IGLL1: variants seen among roughly 807,000 people sequenced by gnomAD.
The protein encoded by IGLL1 is immunoglobulin lambda-like polypeptide 1.
In IGLL1, 10 loss-of-function variants were observed where a neutral mutation model predicts 10.5. The observed-to-expected ratio is 0.95, with a 90% confidence interval of 0.59 to 1.62. The LOEUF (loss-of-function observed/expected upper bound fraction) is 1.62, where lower values mean the gene tolerates loss of function less well. Ranked by LOEUF, IGLL1 falls within the 40% of genes most tolerant of loss-of-function variation. The probability of loss-of-function intolerance (pLI) is 0.00; values close to 1 mark genes in which losing one functional copy is unlikely to be tolerated. For synonymous variants in IGLL1, 141 were observed against 122.7 expected (o/e 1.15, Z -0.99); for missense variants, 284 against 278.7 (o/e 1.02, Z -0.14).
At chr22:23,575,139 G>T in intron 1 of IGLL1, 57 bp from the exon 2 acceptor site, 1 of 1,246,316 alleles carries the variant, frequency 8.0e-7, no homozygotes, top group Non-Finnish European at 1.2e-6. Flanking sequence ...CAGGCACAGG[G>T]TAGGGGGGTG....
chr22:23,575,001 A>C lies in IGLL1; in HGVS notation c.288T>G (p.His96Gln), dbSNP rs766149395. Residue 96 changes from histidine to glutamine, a missense_variant, in exon 2 of 3, where the codon CAT (histidine) becomes CAG (glutamine). Physicochemically the swap from His to Gln is conservative, Grantham distance 24. Transcript: ENST00000330377. ...TGAGCTGGGTCCCGCTGCCAAACAC[A>C]TGCGTCACTGAGTTATGCTTGGATT... is the stretch of plus-strand genomic sequence containing the variant. Reference protein sequence around the residue: ...GFQSKHNSVTHVFGSGTQLTV... With the variant: ...GFQSKHNSVTQVFGSGTQLTV... 2.2e-5 allele frequency: 35 copies of C among 1,613,874 alleles called. No homozygotes were observed. Among genetic ancestry groups the C allele is most frequent in the Non-Finnish European group, 2.8e-5 (33 of 1,179,906 alleles).
At chr22:23,576,285 C>CTT (rs770974273) in intron 1 of IGLL1, among the ~76,000 whole-genome samples, 2 of 126,006 alleles carry the variant, frequency 1.6e-5, no homozygotes, top group Non-Finnish European at 3.2e-5. Context: ...TCTAGACATT[C>CTT]TTTTTTTTTT....
intron 1 of IGLL1, among the ~76,000 whole-genome samples, chr22:23,575,867 C>T (rs1341772446): frequency 6.6e-6 from 1 of 152,166 alleles, no homozygotes; most frequent in Non-Finnish European, 1.5e-5. Context: ...ACTCTTTTCC[C>T]CTTGGGGTCT....
rs772023435 is a variant in IGLL1 at position 23,573,364 on chromosome 22, T to C, written c.544A>G (p.Thr182Ala). The C allele has an allele frequency of 6.2e-7, 1 of 1,614,048 alleles. No homozygotes were observed. Among genetic ancestry groups the C allele is most frequent in the South Asian group, 1.1e-5 (1 of 91,076 alleles). Residue 182 changes from threonine to alanine, a missense_variant, in exon 3 of 3, where the codon ACG becomes GCG. By Grantham distance (58) the Thr-to-Ala change is moderately conservative. Coordinates refer to ENST00000330377, the MANE Select transcript of IGLL1 (RefSeq NM_020070.4). ...KYAASSYLSLTPEQWRSRRSY... is the reference protein window; with the variant it reads ...KYAASSYLSLAPEQWRSRRSY... ...CTGCGGGACCTCCACTGCTCGGGCG[T>C]CAGGCTCAGGTAGCTGCTGGCCGCG...
Position 23,580,069 on chromosome 22 carries a change from G to A in IGLL1, c.122C>T (p.Pro41Leu). ...GGCCCTGCTCTGCGATGCAGCTGTT[G>A]GGCGCAGCAGGCCATGGGTTACCAC... ...LAVVTHGLLR[P>L]TAASQSRALG... is the part of the protein sequence containing the mutation. Residue 41 changes from proline to leucine, a missense_variant, in exon 1 of 3, where the codon CCA (proline) becomes CTA (leucine). Physicochemically the swap from Pro to Leu is moderately conservative, Grantham distance 98. Transcript: ENST00000330377. 1 of 1,572,766 alleles carries A rather than the reference G, an allele frequency of 6.4e-7. No homozygotes were observed. The highest frequency in any genetic ancestry group is 8.6e-7 in the Non-Finnish European group (1 of 1,161,686).
At chr22:23,574,218 G>T (rs144762926) in intron 2 of IGLL1, among the ~76,000 whole-genome samples, 12,584 of 146,872 alleles carry the variant, frequency 0.086, 851 homozygotes, top group African/African-American at 0.18. Flanking sequence ...ACTTCACCTG[G>T]CAGCCATGGA....
Position 23,580,215 on chromosome 22 carries a change from G to C in IGLL1, c.-25C>G. On this transcript the variant is annotated 5_prime_UTR_variant, in exon 1 of 3. Transcript: ENST00000330377. ...TCGGCCCTCAGGGTCAGAGGTCCTT[G>C]TGGCCTGACTTGCAGTGTGGGCTCC... 1 of 1,535,984 alleles carries C rather than the reference G, an allele frequency of 6.5e-7. No individual in the cohort carries two copies. Among genetic ancestry groups the C allele is most frequent in the Non-Finnish European group, 8.7e-7 (1 of 1,146,676 alleles).
chr22:23,580,140 G>T lies in IGLL1; in HGVS notation c.51C>A (p.Gly17=), dbSNP rs1012394014. Residue 17 remains glycine, a synonymous_variant, in exon 1 of 3, where the codon GGC becomes GGA. Coordinates refer to ENST00000330377, the MANE Select transcript of IGLL1 (RefSeq NM_020070.4). ...QGGLEAPGEP[G]PNLRQRWPLL... ...GGGGCCAGCGCTGCCTGAGGTTGGGGCCTGGCTCACCAGGGGCCTCAAGGC... is the reference window on the plus strand; with the variant it reads ...GGGGCCAGCGCTGCCTGAGGTTGGGTCCTGGCTCACCAGGGGCCTCAAGGC... 5 of 1,557,588 alleles carry T rather than the reference G, an allele frequency of 3.2e-6. No homozygotes were observed. In the South Asian group the frequency reaches 3.5e-5, roughly 11 times the overall value.
chr22:23,578,895 G>A (rs138414433), intron 1 of IGLL1, among the ~76,000 whole-genome samples: 23 of 152,288 alleles, frequency 1.5e-4, no homozygotes, highest in African/African-American at 5.3e-4. Flanking sequence ...GGGAGACGGA[G>A]GTTTCAATGA....
intron 1 of IGLL1, among the ~76,000 whole-genome samples, chr22:23,578,590 G>A (rs1216930651): frequency 1.3e-5 from 2 of 152,164 alleles, no homozygotes; most frequent in Non-Finnish European, 2.9e-5. Flanking sequence ...TCTCACCACA[G>A]CCACCCCAGC....
chr22:23,573,492 T>G lies in IGLL1; in HGVS notation c.416A>C (p.Asp139Ala), dbSNP rs1435818095. 6.2e-7 allele frequency: 1 copy of G among 1,613,752 alleles called. No homozygotes were observed. The highest frequency in any genetic ancestry group is 1.7e-5 in the Admixed American group (1 of 59,986). ...CACCGTCAAGATTCCCGGATAAAAG[T>G]CATTCATGAGACACACCAGTGTAGC... ...NKATLVCLMN[D>A]FYPGILTVTW... Residue 139 changes from aspartate (D) to alanine (A), a missense_variant, in exon 3 of 3, where the codon GAC (aspartate) becomes GCC (alanine). By Grantham distance (126) the Asp-to-Ala change is moderately radical (BLOSUM62 -2). Coordinates refer to ENST00000330377, the MANE Select transcript of IGLL1 (RefSeq NM_020070.4).
chr22:23,575,631 TATCATCTGTCCATTCGTCCATCC>T (rs1438356849), intron 1 of IGLL1, among the ~76,000 whole-genome samples: 5 of 152,206 alleles, frequency 3.3e-5, no homozygotes, highest in Admixed American at 6.5e-5. Context: ...TGCATCCATC[TATCATCTGTCCATTCGTCCATCC>T]ATCTACCTGT....
chr22:23,580,264 T>C lies in IGLL1; in HGVS notation c.-74A>G, dbSNP rs1282723522. The C allele has an allele frequency of 1.2e-5, 18 of 1,529,912 alleles. No homozygotes were observed. Among genetic ancestry groups the C allele is most frequent in the Non-Finnish European group, 1.6e-5 (18 of 1,143,630 alleles). 94.8% of individuals were successfully genotyped at this position (1,529,912 alleles called of 1,614,324 possible). A position where few individuals can be genotyped will look rare whatever the true frequency, so the allele number is the denominator to read the frequency against. On this transcript the variant is annotated 5_prime_UTR_variant, in exon 1 of 3. Coordinates refer to ENST00000330377, the MANE Select transcript of IGLL1 (RefSeq NM_020070.4). Reference sequence around the variant, plus strand: ...CCCTAGAGAGTGGTGCCCTGGTCCCTCTCGCTGGCAGCAGCTGTCCCATTG... The same window carrying C: ...CCCTAGAGAGTGGTGCCCTGGTCCCCCTCGCTGGCAGCAGCTGTCCCATTG...
In IGLL1 at chr22:23,580,261, C is replaced by T; in HGVS notation, c.-71G>A. The stretch of plus-strand genomic sequence containing the variant: ...GCTCCCTAGAGAGTGGTGCCCTGGT[C>T]CCTCTCGCTGGCAGCAGCTGTCCCA... On this transcript the variant is annotated 5_prime_UTR_variant, in exon 1 of 3. Transcript: ENST00000330377. 6.5e-7 allele frequency: 1 copy of T among 1,530,478 alleles called. No individual in the cohort carries two copies. Among genetic ancestry groups the T allele is most frequent in the East Asian group, 2.5e-5 (1 of 40,754 alleles). 94.8% of individuals were successfully genotyped at this position (1,530,478 alleles called of 1,614,324 possible).
chr22:23,578,040 C>T (rs978598752), intron 1 of IGLL1, among the ~76,000 whole-genome samples: 15 of 152,012 alleles, frequency 9.9e-5, no homozygotes, highest in East Asian at 3.9e-4. Context: ...CGCGCCACCA[C>T]GCCCAGCTAG....
chr22:23,574,830 C>T, intron 2 of IGLL1, 137 bp downstream of exon 2: 2 of 719,784 alleles, frequency 2.8e-6, no homozygotes, highest in South Asian at 3.0e-5. Context: ...TAACACATCT[C>T]CTCCAGGCCC....
At chr22:23,578,906 G>A (rs1925192203) in intron 1 of IGLL1, among the ~76,000 whole-genome samples, 1 of 152,138 alleles carries the variant, frequency 6.6e-6, no homozygotes, top group African/African-American at 2.4e-5. Context: ...GTTTCAATGA[G>A]CCAAGATCTC....
At chr22:23,578,976 GAAA>G (rs536088917) in intron 1 of IGLL1, among the ~76,000 whole-genome samples, 1 of 151,308 alleles carries the variant, frequency 6.6e-6, no homozygotes, top group Non-Finnish European at 1.5e-5. Flanking sequence ...ATTTGAAAAA[GAAA>G]AAAAAGAGAG....
chr22:23,579,864 C>G, intron 1 of IGLL1, 121 bp downstream of exon 1: 1 of 718,456 alleles, frequency 1.4e-6, no homozygotes, highest in Non-Finnish European at 2.3e-6. Context: ...AAGTCAGTGT[C>G]TGTGGCTCCC....
Sources: allele counts gnomAD v4.1 joint callset (sites outside exome capture counted in the v4.1 genomes callset), GRCh38; gene constraint gnomAD v4.1.1; transcripts MANE v1.5; gene names NCBI Gene and HGNC (gene_info 2026-07-23, HGNC 2026-07-21).